The following TRPV3 variants were observed in gnomAD, a reference collection of about 807,000 sequenced individuals.
TRPV3 encodes the protein VRL-3.
A neutral mutation model predicts 87.1 loss-of-function variants in TRPV3; 88 were observed. That is an observed-to-expected ratio of 1.01 (90% CI 0.85 to 1.21). The LOEUF is 1.21. Ranked by LOEUF, TRPV3 falls within the 50% of genes most tolerant of loss-of-function variation. TRPV3 has a pLI of 0.00. For missense variants in TRPV3, 1,054 were observed against 1,030.1 expected (o/e 1.02, Z -0.32); for synonymous variants, 438 against 423.3 (o/e 1.03, Z -0.43).
In TRPV3 at chr17:3,532,861, C is replaced by T. The variant is rs369693302; in HGVS notation, c.861G>A (p.Thr287=). 8.7e-6 allele frequency: 14 copies of T among 1,614,114 alleles called. No individual in the cohort carries two copies. Among genetic ancestry groups the T allele is most frequent in the South Asian group, 6.6e-5 (6 of 91,086 alleles). The part of the protein sequence containing the change: ...IVQLLMEHEQ[T]DITSRDSRGN... ...CTCGTGAGTCCCGCGAGGTGATGTC[C>T]GTCTGCTCGTGCTCCATCAGCAGCT... is the stretch of plus-strand genomic sequence containing the variant. Residue 287 remains threonine (T), a synonymous_variant, in exon 8 of 18, where the codon ACG becomes ACA. Coordinates refer to ENST00000576742, the MANE Select transcript of TRPV3 (RefSeq NM_145068.4).
At chr17:3,544,728 G>T in intron 3 of TRPV3, 63 bp from the exon 4 acceptor site, 2 of 1,230,962 alleles carry the variant, frequency 1.6e-6, no homozygotes, top group Non-Finnish European at 2.3e-6. Context: ...CGGGTGAGGT[G>T]GCTCATGCAT....
At chr17:3,514,036 T>G in intron 17 of TRPV3, 25 bp from the exon 18 acceptor site, 1 of 1,552,434 alleles carries the variant, frequency 6.4e-7, no homozygotes, top group Non-Finnish European at 8.8e-7. Context: ...AATATATATT[T>G]TAGAAATATA....
chr17:3,535,736 C>G, intron 6 of TRPV3, 23 bp from the exon 7 acceptor site: 1 of 1,458,442 alleles, frequency 6.9e-7, no homozygotes, highest in South Asian at 1.4e-5. Flanking sequence ...CGGGGACGCG[C>G]GGGAGCCTCA....
intron 7 of TRPV3, among the ~76,000 whole-genome samples, chr17:3,534,950 G>A (rs947614101): frequency 6.6e-6 from 1 of 151,982 alleles, no homozygotes; most frequent in African/African-American, 2.4e-5. Context: ...AAGACCACCA[G>A]GTGACACCAC....
chr17:3,518,329 T>C lies in TRPV3; in HGVS notation c.2085+247A>G, dbSNP rs1251825157. ...ACTTCAACATCCACACATCACACTG[T>C]CAACCCTGAGCAGAGCACCCCCATG... On this transcript the variant is annotated intron_variant, in intron 15 of 17. Transcript: ENST00000576742. This position sits in a 1 kb window ranked among gnomAD's most constrained non-coding sequence, Gnocchi z 4.3. 6.6e-6 allele frequency among the ~76,000 whole-genome samples: 1 copy of C among 152,192 alleles called. No individual in the cohort carries two copies. The highest frequency in any genetic ancestry group is 6.5e-5 in the Admixed American group (1 of 15,284).
Position 3,528,792 on chromosome 17 carries a change from C to G in TRPV3, c.1401+45G>C. The G allele has an allele frequency of 6.2e-7, 1 of 1,610,918 alleles. No individual in the cohort carries two copies. Among genetic ancestry groups the G allele is most frequent in the Non-Finnish European group, 8.5e-7 (1 of 1,178,340 alleles). On this transcript the variant is annotated intron_variant, in intron 10 of 17. Coordinates refer to ENST00000576742, the MANE Select transcript of TRPV3 (RefSeq NM_145068.4). The surrounding 1 kb of genome is among the most constrained non-coding windows in gnomAD (Gnocchi z 4.2). ...GCACGTGGGGCAGCTCCAAGCCCCT[C>G]CAGCTCTGACGGCCCCATTTTCCCC...
rs886052836 is a variant in TRPV3, at chr17:3,510,607, G to GCA, written c.*3308_*3309dup. On this transcript the variant is annotated 3_prime_UTR_variant, in exon 18 of 18. Transcript: ENST00000576742. ...ATTTCTTTCTTGAACATAGAGTTTC[G>GCA]CACACACATACACACTAAGAACAAG... The GCA allele has an allele frequency of 2.0e-5, 3 of 152,088 alleles. No homozygotes were observed. Among genetic ancestry groups the GCA allele is most frequent in the Non-Finnish European group, 4.4e-5 (3 of 68,016 alleles). The allele number at this position is 152,088 out of a possible 1,614,324, so 9.4% of individuals were successfully genotyped here. A position where few individuals can be genotyped will look rare whatever the true frequency, so the allele number is the denominator to read the frequency against.
At chr17:3,555,150 A>G (rs1385867139) in intron 1 of TRPV3, among the ~76,000 whole-genome samples, 1 of 151,852 alleles carries the variant, frequency 6.6e-6, no homozygotes, top group African/African-American at 2.4e-5. Flanking sequence ...CCAGCCAACC[A>G]GTCCCCAGGT....
At chr17:3,526,756 C>T (rs2074303595) in intron 12 of TRPV3, 98 bp downstream of exon 12, 1 of 954,540 alleles carries the variant, frequency 1.0e-6, no homozygotes, top group Admixed American at 2.0e-5. Flanking sequence ...GACACCGTGG[C>T]ACAGTAGGAT....
rs749601526 is a variant in TRPV3, at chr17:3,542,674, G to A, written c.491C>T (p.Ala164Val). 6.2e-7 allele frequency: 1 copy of A among 1,613,988 alleles called. No homozygotes were observed. Among genetic ancestry groups the A allele is most frequent in the Non-Finnish European group, 8.5e-7 (1 of 1,179,942 alleles). Residue 164 changes from alanine to valine, a missense_variant, in exon 6 of 18, where the codon GCC becomes GTC. Coordinates refer to ENST00000576742, the MANE Select transcript of TRPV3 (RefSeq NM_145068.4). Reference protein sequence around the residue: ...VPDFLMHKLTASDTGKTCLMK... With the variant: ...VPDFLMHKLTVSDTGKTCLMK... ...CAGGCAGGTCTTCCCCGTGTCGGAGGCCGTCAGCTTGTGCATGAGGAAGTC... is the reference window on the plus strand; with the variant it reads ...CAGGCAGGTCTTCCCCGTGTCGGAGACCGTCAGCTTGTGCATGAGGAAGTC...
rs2074116439 is a variant in TRPV3, at chr17:3,511,736, G to A, written c.*2181C>T. On this transcript the variant is annotated 3_prime_UTR_variant, in exon 18 of 18. Transcript: ENST00000576742. ...TCCCCACTTGGACAAAAGCTGGCAG[G>A]TTAGGCAAATAGAAATCAATAATTG... 1 of 152,330 alleles carries A rather than the reference G, an allele frequency of 6.6e-6. No individual in the cohort carries two copies. The highest frequency in any genetic ancestry group is 6.5e-5 in the Admixed American group (1 of 15,300). The allele number at this position is 152,330 out of a possible 1,614,324, so 9.4% of individuals were successfully genotyped here. A position where few individuals can be genotyped will look rare whatever the true frequency, so the allele number is the denominator to read the frequency against.
In TRPV3 at chr17:3,511,900, G is replaced by A. The variant is rs1013286442; in HGVS notation, c.*2017C>T. On this transcript the variant is annotated 3_prime_UTR_variant, in exon 18 of 18. Transcript: ENST00000576742. ...CAATTCTGGAATTCCCAGCTCCATA[G>A]TGTGGAGCTTGGCATCATGAATCCA... 3 of 152,154 alleles carry A rather than the reference G, an allele frequency of 2.0e-5. No individual in the cohort carries two copies. Among genetic ancestry groups the A allele is most frequent in the Admixed American group, 1.3e-4 (2 of 15,284 alleles). The allele number at this position is 152,154 out of a possible 1,614,324, so 9.4% of individuals were successfully genotyped here.
rs1425094218 is a variant in TRPV3 at position 3,518,768 on chromosome 17, T to C, written c.1893A>G (p.Glu631=). ...SYGSFSDAVL[E]LFKLTIGLGD... ...CCAGGCCTATGGTGAGCTTGAAGAG[T>C]TCCAGCACTGCGTCGCTGAAGCTGC... Residue 631 remains glutamate, a synonymous_variant, in exon 15 of 18, where the codon GAA becomes GAG. Coordinates refer to ENST00000576742, the MANE Select transcript of TRPV3 (RefSeq NM_145068.4). The surrounding 1 kb of genome is among the most constrained non-coding windows in gnomAD (Gnocchi z 4.3). 6.2e-7 allele frequency: 1 copy of C among 1,613,970 alleles called. No homozygotes were observed. The highest frequency in any genetic ancestry group is 1.3e-5 in the African/African-American group (1 of 75,024).
chr17:3,519,422 T>TGGATGGA (rs143820760), intron 14 of TRPV3, among the ~76,000 whole-genome samples: 13 of 111,280 alleles, frequency 1.2e-4, no homozygotes, highest in Admixed American at 3.6e-4. Flanking sequence ...GGATGGATGA[T>TGGATGGA]TGGATGGATG....
At chr17:3,551,179 T>A (rs1567646133) in intron 2 of TRPV3, among the ~76,000 whole-genome samples, 1 of 152,212 alleles carries the variant, frequency 6.6e-6, no homozygotes, top group Admixed American at 6.5e-5. Flanking sequence ...GGTCTATGTC[T>A]GGAGAAGGAA....
chr17:3,538,061 G>A (rs1053941679), intron 6 of TRPV3, among the ~76,000 whole-genome samples: 3 of 151,826 alleles, frequency 2.0e-5, no homozygotes, highest in African/African-American at 7.3e-5. Context: ...AGGCGGGCGT[G>A]ATGGTGAGTG....
In TRPV3 at chr17:3,518,695, A is replaced by G; in HGVS notation, c.1966T>C (p.Phe656Leu). ...AGGATGACATAGGTGATGAGCAGGA[A>G]CAGAAAGAGAATGGGATACTTGGAG... ...QNSKYPILFL[F>L]LLITYVILTF... Residue 656 changes from phenylalanine (F) to leucine (L), a missense_variant, in exon 15 of 18, where the codon TTC (phenylalanine) becomes CTC (leucine). Coordinates refer to ENST00000576742, the MANE Select transcript of TRPV3 (RefSeq NM_145068.4). This position sits in a 1 kb window ranked among gnomAD's most constrained non-coding sequence, Gnocchi z 4.3. The G allele has an allele frequency of 6.2e-7, 1 of 1,611,178 alleles. No homozygotes were observed. Among genetic ancestry groups the G allele is most frequent in the Non-Finnish European group, 8.5e-7 (1 of 1,178,838 alleles).
At chr17:3,539,832 T>C (rs772833156) in intron 6 of TRPV3, among the ~76,000 whole-genome samples, 10 of 152,270 alleles carry the variant, frequency 6.6e-5, no homozygotes, top group Non-Finnish European at 1.2e-4. Context: ...AGGCCTCTGA[T>C]AAAATGCTTT....
At chr17:3,552,625 C>G (rs564577882) in intron 2 of TRPV3, 4 of 152,288 alleles carry the variant, frequency 2.6e-5, no homozygotes, top group African/African-American at 9.6e-5. Context: ...ATTTAGGAGA[C>G]ATGCCAAGCT....
Sources: gnomAD v4.1 joint callset for allele counts (sites outside exome capture counted in the v4.1 genomes callset) on GRCh38, gnomAD v4.1.1 for gene constraint, Gnocchi (gnomAD v3.1) non-coding constraint, MANE v1.5 for transcripts, NCBI Gene and HGNC (gene_info 2026-07-23, HGNC 2026-07-21) for gene names.